RBBP8: variants seen among roughly 807,000 people sequenced by gnomAD.
The protein encoded by RBBP8 is DNA endonuclease RBBP8.
In RBBP8, 88 loss-of-function variants were observed where a neutral mutation model predicts 108.3. That is an observed-to-expected ratio of 0.81 (90% confidence interval 0.68 to 0.97). The LOEUF is 0.97. Ranked by LOEUF, RBBP8 falls within the 50% of genes least tolerant of loss-of-function variation. The pLI is 0.00. For synonymous variants in RBBP8, 332 were observed against 348.2 expected (o/e 0.95, Z 0.52); for missense variants, 1,023 against 1,049.0 (o/e 0.98, Z 0.34).
chr18:23,001,638 A>G lies in RBBP8; in HGVS notation c.2196A>G (p.Thr732=). 2 of 1,614,132 alleles carry G rather than the reference A, an allele frequency of 1.2e-6. No homozygotes were observed. The highest frequency in any genetic ancestry group is 1.7e-6 in the Non-Finnish European group (2 of 1,180,008). Residue 732 remains threonine (T), a synonymous_variant, in exon 15 of 19, where the codon ACA becomes ACG. Coordinates refer to ENST00000327155, the MANE Select transcript of RBBP8 (RefSeq NM_002894.3). ...TGGAAGATATGTTTGATCGGACAAC[A>G]CATGAAGAGTATGAATCCTGTTTGG... The part of the protein sequence containing the change: ...DSLEDMFDRT[T]HEEYESCLAD...
chr18:22,996,480 A>G lies in RBBP8; in HGVS notation c.2028+18A>G. The G allele has an allele frequency of 1.9e-6, 3 of 1,612,076 alleles. No individual in the cohort carries two copies. Among genetic ancestry groups the G allele is most frequent in the Non-Finnish European group, 2.5e-6 (3 of 1,179,244 alleles). ...ATACAAAGGTAAGTTAAAAAGTAAA[A>G]CCAAAACTCATTTGACTTTTATTCC... is the stretch of plus-strand genomic sequence containing the variant. On this transcript the variant is annotated intron_variant, in intron 13 of 18. Coordinates refer to ENST00000327155, the MANE Select transcript of RBBP8 (RefSeq NM_002894.3).
intron 4 of RBBP8, among the ~76,000 whole-genome samples, chr18:22,968,068 A>C (rs1913768079): frequency 2.0e-5 from 3 of 150,996 alleles, no homozygotes; most frequent in Admixed American, 2.0e-4. Flanking sequence ...CAATATTGAC[A>C]AAAAAAAATT....
intron 16 of RBBP8, among the ~76,000 whole-genome samples, chr18:23,006,805 C>T (rs774212737): frequency 1.0e-3 from 154 of 151,784 alleles, no homozygotes; most frequent in Non-Finnish European, 1.7e-3. Context: ...CCTGGCCAGT[C>T]GAGCTGTCTT....
chr18:22,938,144 CT>C (rs1433694364), intron 2 of RBBP8, among the ~76,000 whole-genome samples: 1 of 151,094 alleles, frequency 6.6e-6, no homozygotes, highest in Non-Finnish European at 1.5e-5. Flanking sequence ...TTTTCTTTTT[CT>C]TTTTGAGACA....
chr18:23,006,685 A>G (rs1329919426), intron 16 of RBBP8, among the ~76,000 whole-genome samples: 3 of 151,986 alleles, frequency 2.0e-5, no homozygotes, highest in Non-Finnish European at 4.4e-5. Flanking sequence ...TATTTTTTGT[A>G]GAGACAGGGT....
intron 16 of RBBP8, among the ~76,000 whole-genome samples, chr18:23,013,649 GGAGT>G (rs1228985641): frequency 6.6e-6 from 1 of 152,182 alleles, no homozygotes; most frequent in Admixed American, 6.5e-5. Flanking sequence ...GCAAGAAGGA[GGAGT>G]TAGTTTTGGG....
At chr18:22,975,414 G>A (rs543412560) in intron 6 of RBBP8, among the ~76,000 whole-genome samples, 195 bp downstream of exon 6, 150 of 152,074 alleles carry the variant, frequency 9.9e-4, no homozygotes, top group Non-Finnish European at 1.4e-3. Flanking sequence ...CTTGAAGAAA[G>A]TGTCAACATT....
chr18:22,989,222 A>G lies in RBBP8; in HGVS notation c.711A>G (p.Lys237=). The change falls in exon 9 of 19, where the codon AAA becomes AAG. Residue 237 remains lysine, a splice_region_variant and synonymous_variant. Transcript: ENST00000327155. ...TYDQSQSPMA[K]AHGTSSYTPD... ...AAATGGTTTATTATTTATTCTTAGA[A>G]GCACATGGAACAAGCAGCTATACCC... is the stretch of plus-strand genomic sequence containing the variant. 1 of 1,597,842 alleles carries G rather than the reference A, an allele frequency of 6.3e-7. No homozygotes were observed. The highest frequency in any genetic ancestry group is 1.1e-5 in the South Asian group (1 of 90,588).
At chr18:22,983,164 T>G (rs1475627133) in intron 7 of RBBP8, among the ~76,000 whole-genome samples, 1 of 152,240 alleles carries the variant, frequency 6.6e-6, no homozygotes, top group African/African-American at 2.4e-5. Context: ...TTATGTGCCA[T>G]GATACAAGTA....
intron 4 of RBBP8, among the ~76,000 whole-genome samples, chr18:22,957,716 A>G (rs972697873): frequency 9.2e-5 from 14 of 152,164 alleles, no homozygotes; most frequent in African/African-American, 2.9e-4. Context: ...TGCTGATGGA[A>G]ACAGGAGCTA....
intron 2 of RBBP8, among the ~76,000 whole-genome samples, chr18:22,943,963 CACAGTGCTTGGT>C (rs1911323258): frequency 1.8e-4 from 27 of 152,270 alleles, no homozygotes; most frequent in Admixed American, 1.6e-3. Flanking sequence ...TTAATTGTAG[CACAGTGCTTGGT>C]CTTGTGAACA....
chr18:22,950,627 A>G (rs1468783621), intron 4 of RBBP8, among the ~76,000 whole-genome samples: 1 of 150,282 alleles, frequency 6.7e-6, no homozygotes, highest in African/African-American at 2.4e-5. Context: ...TATAGTTTTT[A>G]TTTTTCCAGG....
chr18:22,945,383 A>AT (rs1380101124), intron 2 of RBBP8, among the ~76,000 whole-genome samples: 2 of 151,600 alleles, frequency 1.3e-5, no homozygotes, highest in South Asian at 2.1e-4. Flanking sequence ...GTTTTGTTTT[A>AT]TTTTATTTTA....
chr18:22,918,688 C>CT (rs1388281862), intron 3 of RBBP8, among the ~76,000 whole-genome samples: 3 of 151,974 alleles, frequency 2.0e-5, no homozygotes, highest in African/African-American at 7.3e-5. Context: ...TTTCTTTCTT[C>CT]TTTTTTTAGA....
At chr18:22,923,779 C>T (rs1263768430) in intron 3 of RBBP8, among the ~76,000 whole-genome samples, 1 of 152,108 alleles carries the variant, frequency 6.6e-6, no homozygotes, top group African/African-American at 2.4e-5. Flanking sequence ...AATTTAAGAC[C>T]CTTCAATCTA....
chr18:22,999,964 T>C (rs1453163545), intron 14 of RBBP8, among the ~76,000 whole-genome samples: 2 of 152,352 alleles, frequency 1.3e-5, no homozygotes, highest in East Asian at 3.9e-4. Context: ...TGTATTTTAT[T>C]TACATATTTG....
chr18:22,985,013 T>C, intron 8 of RBBP8, 23 bp downstream of exon 8: 1 of 1,609,140 alleles, frequency 6.2e-7, no homozygotes, highest in Non-Finnish European at 8.5e-7. Flanking sequence ...CTGAGATTAC[T>C]TTACAAGTTT....
At chr18:23,009,024 C>T (rs1328083689) in intron 16 of RBBP8, among the ~76,000 whole-genome samples, 3 of 152,052 alleles carry the variant, frequency 2.0e-5, no homozygotes, top group Non-Finnish European at 2.9e-5. Flanking sequence ...CCACCCGCTT[C>T]GGCCTCCCAA....
chr18:23,021,404 G>GA (rs1422564177), intron 17 of RBBP8, among the ~76,000 whole-genome samples: 1 of 151,668 alleles, frequency 6.6e-6, no homozygotes, highest in Non-Finnish European at 1.5e-5. Flanking sequence ...GACAGAGCAG[G>GA]ACTCTGTCTC....
Sources: allele counts gnomAD v4.1 joint callset (sites outside exome capture counted in the v4.1 genomes callset), GRCh38; gene constraint gnomAD v4.1.1; transcripts MANE v1.5; gene names NCBI Gene and HGNC (gene_info 2026-07-23, HGNC 2026-07-21).